The following CRYBA4 variants were observed in gnomAD, a reference collection of about 807,000 sequenced individuals.
CRYBA4 encodes crystallin beta A4.
CRYBA4 carries 30 observed loss-of-function variants against 31.7 expected under a neutral mutation model. The observed-to-expected ratio is 0.95, with a 90% CI of 0.71 to 1.28. The LOEUF (loss-of-function observed/expected upper bound fraction) is 1.28. Ranked by LOEUF, CRYBA4 falls within the 50% of genes most tolerant of loss-of-function variation. The probability of loss-of-function intolerance (pLI) is 0.00; values close to 1 mark genes in which losing one functional copy is unlikely to be tolerated. For missense variants in CRYBA4, 225 were observed against 260.7 expected (o/e 0.86, Z 0.94); for synonymous variants, 102 against 102.3 (o/e 1.00, Z 0.02).
the CRYBA4 span, chr22:26,599,687 GAGA>G: frequency 1.2e-6 from 2 of 1,611,592 alleles, no homozygotes. Context: ...AGAGAAAAGT[GAGA>G]AGGACAGAGT....
the CRYBA4 span, among the ~76,000 whole-genome samples, chr22:26,603,779 C>T: frequency 6.7e-6 from 1 of 149,914 alleles, no homozygotes; most frequent in African/African-American, 2.5e-5. Flanking sequence ...TAATAATTAG[C>T]TGGGCGTGGT....
At chr22:26,608,015 G>C in the CRYBA4 span, 6 of 1,614,122 alleles carry the variant, frequency 3.7e-6, no homozygotes, top group Non-Finnish European at 5.1e-6. Flanking sequence ...GCTCAAAGGC[G>C]ACCCAGCTGG....
upstream of CRYBA4, among the ~76,000 whole-genome samples, chr22:26,621,612 A>G (rs556139853): frequency 6.6e-6 from 1 of 152,294 alleles, no homozygotes; most frequent in South Asian, 2.1e-4. Flanking sequence ...TTTCTGCCCC[A>G]TTTTATAGGC....
Position 26,625,581 on chromosome 22 carries a change from C to A in CRYBA4, c.259C>A (p.Pro87Thr), listed in dbSNP as rs766967658. 2.5e-6 allele frequency: 4 copies of A among 1,613,992 alleles called. No individual in the cohort carries two copies. The highest frequency in any genetic ancestry group is 3.4e-6 in the Non-Finnish European group (4 of 1,180,004). ...TGCCTGGGGCGGCAACACGGCCTACCCCGCCGAGAGGCTCACCTCCTTCCG... is the reference window on the plus strand; with the variant it reads ...TGCCTGGGGCGGCAACACGGCCTACACCGCCGAGAGGCTCACCTCCTTCCG... ...WDAWGGNTAY[P>T]AERLTSFRPA... Residue 87 changes from proline to threonine, a missense_variant, in exon 4 of 6, where the codon CCC becomes ACC. Transcript: ENST00000354760.
chr22:26,608,243 T>C, the CRYBA4 span, among the ~76,000 whole-genome samples: 1 of 152,242 alleles, frequency 6.6e-6, no homozygotes, highest in Non-Finnish European at 1.5e-5. Context: ...GTTTCTCATC[T>C]ACACTCATAT....
At chr22:26,599,580 C>T in the CRYBA4 span, 1 of 1,614,218 alleles carries the variant, frequency 6.2e-7, no homozygotes, top group East Asian at 2.2e-5. Flanking sequence ...GCATCTGTGG[C>T]TGGAAGGCTC....
At chr22:26,607,019 C>CTTTTTTT in the CRYBA4 span, among the ~76,000 whole-genome samples, 4 of 111,968 alleles carry the variant, frequency 3.6e-5, no homozygotes, top group Non-Finnish European at 5.2e-5. Flanking sequence ...TATCCCTCTC[C>CTTTTTTT]TTTTTTTTTT....
the CRYBA4 span, among the ~76,000 whole-genome samples, chr22:26,615,002 T>C: frequency 6.6e-6 from 1 of 152,122 alleles, no homozygotes; most frequent in Non-Finnish European, 1.5e-5. Flanking sequence ...GGAGACACCT[T>C]AGAGTTAGGT....
At chr22:26,617,261 T>C (rs1239708839), upstream of CRYBA4, among the ~76,000 whole-genome samples, 3 of 152,332 alleles carry the variant, frequency 2.0e-5, no homozygotes, top group East Asian at 3.9e-4. Context: ...GAATGTTTGA[T>C]GAATACCTCA....
At chr22:26,606,863 T>C in the CRYBA4 span, among the ~76,000 whole-genome samples, 1 of 152,174 alleles carries the variant, frequency 6.6e-6, no homozygotes, top group Admixed American at 6.5e-5. Flanking sequence ...ATCATCAACT[T>C]AATTCTGGAA....
chr22:26,595,288 C>G, the CRYBA4 span, among the ~76,000 whole-genome samples: 1 of 152,052 alleles, frequency 6.6e-6, no homozygotes, highest in Non-Finnish European at 1.5e-5. Flanking sequence ...TTTTAAAATG[C>G]CTGTGAGGCC....
At chr22:26,596,097 G>A in the CRYBA4 span, among the ~76,000 whole-genome samples, 1 of 152,002 alleles carries the variant, frequency 6.6e-6, no homozygotes, top group African/African-American at 2.4e-5. Flanking sequence ...AATGCAAAGA[G>A]TTTTTATTTT....
the CRYBA4 span, among the ~76,000 whole-genome samples, chr22:26,615,671 G>A: frequency 1.3e-5 from 2 of 151,934 alleles, no homozygotes; most frequent in East Asian, 1.9e-4. Flanking sequence ...CCACCACTAC[G>A]CCTGGCTAAT....
chr22:26,623,306 G>T lies in CRYBA4; in HGVS notation c.112G>T (p.Glu38Ter), dbSNP rs572893074. 1 of 1,614,142 alleles carries T rather than the reference G, an allele frequency of 6.2e-7. No homozygotes were observed. The highest frequency in any genetic ancestry group is 2.2e-5 in the East Asian group (1 of 44,884). ...EFTAECPSVLELGFETVRSLK... is the reference protein window; with the variant it reads ...EFTAECPSVL ...CACGGCCGAGTGCCCCAGCGTGCTG[G>T]AGCTTGGCTTCGAGACTGTGCGATC... Residue 38 changes from glutamate (E) to a stop codon, truncating the protein, a stop_gained, in exon 3 of 6, where the codon GAG becomes TAG. Transcript: ENST00000354760. LOFTEE classifies it high-confidence loss of function.
chr22:26,619,555 G>A (rs555837234), upstream of CRYBA4, among the ~76,000 whole-genome samples: 56 of 152,232 alleles, frequency 3.7e-4, no homozygotes, highest in African/African-American at 1.2e-3. Flanking sequence ...CTTCTTTTTC[G>A]GGGTTCTAGG....
At chr22:26,600,458 G>A in the CRYBA4 span, among the ~76,000 whole-genome samples, 6 of 152,262 alleles carry the variant, frequency 3.9e-5, no homozygotes, top group African/African-American at 2.4e-5. Flanking sequence ...TAGCAGCTGG[G>A]AACACATACT....
At chr22:26,629,643 C>G (rs1929859595) in intron 5 of CRYBA4, among the ~76,000 whole-genome samples, 1 of 144,328 alleles carries the variant, frequency 6.9e-6, no homozygotes, top group South Asian at 2.2e-4. Context: ...TCGGATGAGG[C>G]AGAATTACTT....
At chr22:26,612,292 A>G in the CRYBA4 span, 2 of 755,070 alleles carry the variant, frequency 2.6e-6, no homozygotes, top group East Asian at 5.2e-5. Context: ...GAGTCACATA[A>G]AAGTGTGATG....
At chr22:26,590,937 G>C in the CRYBA4 span, among the ~76,000 whole-genome samples, 1 of 152,274 alleles carries the variant, frequency 6.6e-6, no homozygotes, top group South Asian at 2.1e-4. Context: ...AAATAATAGA[G>C]CTATCTATGC....
Sources: gnomAD v4.1 joint callset for allele counts (sites outside exome capture counted in the v4.1 genomes callset) on GRCh38, gnomAD v4.1.1 for gene constraint, MANE v1.5 for transcripts, NCBI Gene and HGNC (gene_info 2026-07-23, HGNC 2026-07-21) for gene names.